The following STXBP4 variants were observed in gnomAD, a reference collection of about 807,000 sequenced individuals.
The protein encoded by STXBP4 is syntaxin binding protein 4.
A neutral mutation model predicts 76.1 loss-of-function variants in STXBP4; 55 were observed. The observed-to-expected ratio is 0.72, with a 90% CI of 0.58 to 0.91. The LOEUF is 0.91. STXBP4 is among the 40% of genes least tolerant of loss of function. STXBP4 has a pLI of 0.00. For synonymous variants in STXBP4, 201 were observed against 220.2 expected (o/e 0.91, Z 0.77); for missense variants, 618 against 636.9 (o/e 0.97, Z 0.32).
At chr17:55,191,953 GA>G in the STXBP4 span, among the ~76,000 whole-genome samples, 1 of 152,114 alleles carries the variant, frequency 6.6e-6, no homozygotes, top group Middle Eastern at 3.2e-3. Flanking sequence ...TAATTTGCTA[GA>G]ACAGTTCACC....
chr17:55,204,158 T>A, the STXBP4 span, among the ~76,000 whole-genome samples: 1 of 152,042 alleles, frequency 6.6e-6, no homozygotes, highest in African/African-American at 2.4e-5. Flanking sequence ...ATTCTTGGTA[T>A]TTTTTTCTGA....
chr17:55,182,944 A>G, the STXBP4 span, among the ~76,000 whole-genome samples: 1 of 151,868 alleles, frequency 6.6e-6, no homozygotes, highest in East Asian at 1.9e-4. Flanking sequence ...AGTTTTTAAG[A>G]AACAAGTTAC....
intron 12 of STXBP4, among the ~76,000 whole-genome samples, chr17:55,047,512 C>G (rs1420693626): frequency 6.6e-6 from 1 of 151,364 alleles, no homozygotes; most frequent in Non-Finnish European, 1.5e-5. Context: ...ACTCATACTT[C>G]ATTTTACTAA....
At chr17:55,072,284 T>C (rs2144870927) in intron 12 of STXBP4, among the ~76,000 whole-genome samples, 1 of 152,260 alleles carries the variant, frequency 6.6e-6, no homozygotes, top group South Asian at 2.1e-4. Context: ...AAAGATTAAG[T>C]GAGAAAAGAC....
chr17:55,088,300 T>C (rs1376078243), intron 16 of STXBP4, among the ~76,000 whole-genome samples: 1 of 152,226 alleles, frequency 6.6e-6, no homozygotes, highest in East Asian at 1.9e-4. Flanking sequence ...GGTAATTGCC[T>C]CTACTTTCTT....
chr17:55,017,176 A>G (rs1197066150), intron 8 of STXBP4, among the ~76,000 whole-genome samples: 1 of 152,062 alleles, frequency 6.6e-6, no homozygotes, highest in Non-Finnish European at 1.5e-5. Flanking sequence ...TACTATTTCT[A>G]TCTTTCTCTT....
intron 11 of STXBP4, among the ~76,000 whole-genome samples, chr17:55,045,662 CCT>C (rs1489853262): frequency 2.6e-5 from 4 of 151,854 alleles, no homozygotes; most frequent in African/African-American, 9.7e-5. Flanking sequence ...CTGAATATAC[CCT>C]GATATGACAA....
intron 13 of STXBP4, among the ~76,000 whole-genome samples, chr17:55,076,765 A>G (rs2079187639): frequency 6.6e-6 from 1 of 152,108 alleles, no homozygotes; most frequent in Admixed American, 6.5e-5. Flanking sequence ...GTTCTTGTGT[A>G]ATTCAGATTG....
chr17:55,075,828 C>T (rs922547577), intron 13 of STXBP4, among the ~76,000 whole-genome samples: 1 of 152,102 alleles, frequency 6.6e-6, no homozygotes, highest in African/African-American at 2.4e-5. Flanking sequence ...TTGCATGCAT[C>T]TCTTCTCAAC....
At chr17:55,144,011 A>G (rs879851322) in intron 17 of STXBP4, among the ~76,000 whole-genome samples, 9,382 of 88,758 alleles carry the variant, frequency 0.11, 400 homozygotes, top group East Asian at 0.23. Context: ...ACCTGCACAC[A>G]CACACACACA....
Position 55,159,986 on chromosome 17 carries a change from A to T in STXBP4, c.*75A>T. The stretch of plus-strand genomic sequence containing the variant: ...ATAACATCCAATTCTGAGATGAAAC[A>T]GTCTAAAATAGGAGTAAAGCATGCA... On this transcript the variant is annotated 3_prime_UTR_variant, in exon 18 of 18. Transcript: ENST00000376352. 1.1e-6 allele frequency: 1 copy of T among 882,170 alleles called. No homozygotes were observed. The highest frequency in any genetic ancestry group is 1.8e-6 in the Non-Finnish European group (1 of 541,722). 54.6% of individuals were successfully genotyped at this position (882,170 alleles called of 1,614,324 possible). A position where few individuals can be genotyped will look rare whatever the true frequency, so the allele number is the denominator to read the frequency against.
At chr17:54,969,715 AG>A (rs2077359145) in intron 1 of STXBP4, among the ~76,000 whole-genome samples, 1 of 152,192 alleles carries the variant, frequency 6.6e-6, no homozygotes, top group Non-Finnish European at 1.5e-5. Context: ...AGGAACTTGG[AG>A]GCCTGAGAAA....
intron 16 of STXBP4, among the ~76,000 whole-genome samples, chr17:55,117,251 C>T (rs1447138521): frequency 2.0e-5 from 3 of 151,612 alleles, no homozygotes; most frequent in Non-Finnish European, 3.0e-5. Flanking sequence ...CATTTTGTAA[C>T]GGGTATTGAA....
intron 13 of STXBP4, among the ~76,000 whole-genome samples, chr17:55,075,134 A>G (rs367587219): frequency 8.7e-4 from 132 of 152,064 alleles, no homozygotes; most frequent in African/African-American, 2.7e-3. Context: ...GTTTCTCTCC[A>G]ATTGCATCTC....
At chr17:55,155,518 C>G (rs2080267555) in intron 17 of STXBP4, among the ~76,000 whole-genome samples, 1 of 150,522 alleles carries the variant, frequency 6.6e-6, no homozygotes, top group Non-Finnish European at 1.5e-5. Flanking sequence ...TCACCCCCCC[C>G]CCAATAAAAT....
At chr17:55,125,290 A>G (rs766290039) in intron 16 of STXBP4, among the ~76,000 whole-genome samples, 18 of 152,068 alleles carry the variant, frequency 1.2e-4, no homozygotes, top group African/African-American at 2.9e-4. Flanking sequence ...AATTGACTCT[A>G]TGGCAAAGCT....
At position 55,164,547 on chromosome 17, in the gene STXBP4, T is replaced by G. The variant is rs1470025397; in HGVS notation, c.*4636T>G. On this transcript the variant is annotated 3_prime_UTR_variant, in exon 18 of 18. Transcript: ENST00000376352. The stretch of plus-strand genomic sequence containing the variant: ...CTCACTGCAAGCTCCGCTTCCCGGG[T>G]TCACGCCATTCTCCTGCCTCAGCCT... 1.4e-5 allele frequency: 2 copies of G among 140,778 alleles called. No individual in the cohort carries two copies. Among genetic ancestry groups the G allele is most frequent in the Non-Finnish European group, 3.0e-5 (2 of 66,000 alleles). 8.7% of individuals were successfully genotyped at this position (140,778 alleles called of 1,614,324 possible).
At chr17:55,095,962 A>G (rs183578873) in intron 16 of STXBP4, among the ~76,000 whole-genome samples, 339 of 152,294 alleles carry the variant, frequency 2.2e-3, no homozygotes, top group Non-Finnish European at 3.8e-3. Flanking sequence ...TTTAAAGTAT[A>G]TGAAATAGCA....
chr17:54,970,960 GA>G, intron 1 of STXBP4, among the ~76,000 whole-genome samples: 1 of 142,850 alleles, frequency 7.0e-6, no homozygotes, highest in Non-Finnish European at 1.5e-5. Context: ...TCATGTTTAT[GA>G]AATACTTCTG....
Sources: gnomAD v4.1 joint callset for allele counts (sites outside exome capture counted in the v4.1 genomes callset) on GRCh38, gnomAD v4.1.1 for gene constraint, MANE v1.5 for transcripts, NCBI Gene and HGNC (gene_info 2026-07-23, HGNC 2026-07-21) for gene names.